APOBEC3H: variants seen among roughly 807,000 people sequenced by gnomAD.
APOBEC3H encodes DNA dC->dU-editing enzyme APOBEC-3H.
In APOBEC3H, 8 loss-of-function variants were observed where a neutral mutation model predicts 21.2. That is an observed-to-expected ratio of 0.38 (90% CI 0.22 to 0.68). The LOEUF (loss-of-function observed/expected upper bound fraction) is 0.68. Among genes scored for constraint, APOBEC3H ranks in the 30% least tolerant of loss-of-function variants. APOBEC3H has a pLI of 0.52. For synonymous variants in APOBEC3H, 88 were observed against 91.0 expected, an observed-to-expected ratio of 0.97 and a Z score of 0.19; for missense variants, 229 against 228.1, an observed-to-expected ratio of 1.00 and a Z score of -0.03.
chr22:39,098,228 C>T (rs1247297466), intron 1 of APOBEC3H, among the ~76,000 whole-genome samples: 1 of 152,222 alleles, frequency 6.6e-6, no homozygotes, highest in Non-Finnish European at 1.5e-5. Flanking sequence ...GATGGAAGTG[C>T]TACCCTGATT....
At chr22:39,100,823 C>T (rs11913991) in intron 2 of APOBEC3H, among the ~76,000 whole-genome samples, 23,161 of 151,984 alleles carry the variant, frequency 0.15, 2,654 homozygotes, top group African/African-American at 0.32. Context: ...GCCCTGCCTC[C>T]CCGCCTCCCC....
Position 39,101,363 on chromosome 22 carries a change from G to A in APOBEC3H, c.277G>A (p.Val93Ile). 6.2e-7 allele frequency: 1 copy of A among 1,612,880 alleles called. No homozygotes were observed. The highest frequency in any genetic ancestry group is 8.5e-7 in the Non-Finnish European group (1 of 1,179,778). The change falls in exon 3 of 5, where the codon GTT becomes ATT. Residue 93 changes from valine (V) to isoleucine (I), a missense_variant. By Grantham distance (29) the Val-to-Ile change is conservative (BLOSUM62 3). Coordinates refer to ENST00000442487, the MANE Select transcript of APOBEC3H (RefSeq NM_181773.5). ...SPCSSCAWEL[V>I]DFIKAHDHLN... ...CTGCTCCTCCTGTGCCTGGGAGCTGGTTGACTTCATCAAGGCTCACGACCA... is the reference window on the plus strand; with the variant it reads ...CTGCTCCTCCTGTGCCTGGGAGCTGATTGACTTCATCAAGGCTCACGACCA...
At chr22:39,103,541 T>C (rs969992897) in intron 4 of APOBEC3H, 148 bp from the exon 5 acceptor site, 2 of 783,186 alleles carry the variant, frequency 2.6e-6, no homozygotes, top group Non-Finnish European at 4.5e-6. Flanking sequence ...GATGCTCTTG[T>C]CACCTCCGTG....
At position 39,100,433 on chromosome 22, in the gene APOBEC3H, C is replaced by T; in HGVS notation, c.150+5C>T. The T allele has an allele frequency of 3.7e-6, 6 of 1,612,366 alleles. No individual in the cohort carries two copies. Among genetic ancestry groups the T allele is most frequent in the Non-Finnish European group, 5.1e-6 (6 of 1,178,942 alleles). ...AGAGGCTACTTTGAAAACAAGGTGC[C>T]ACACGGGCTCTCTGGGCACAGGGCC... On this transcript the variant is annotated splice_donor_5th_base_variant and intron_variant, in intron 2 of 4. Coordinates refer to ENST00000442487, the MANE Select transcript of APOBEC3H (RefSeq NM_181773.5).
chr22:39,100,481 TG>T, intron 2 of APOBEC3H, 53 bp downstream of exon 2: 1 of 1,581,924 alleles, frequency 6.3e-7, no homozygotes, highest in Non-Finnish European at 8.6e-7. Flanking sequence ...CCCCATCTGA[TG>T]TGTGCAGAAA....
intron 1 of APOBEC3H, among the ~76,000 whole-genome samples, chr22:39,099,597 C>T (rs1929183493): frequency 6.6e-6 from 1 of 152,162 alleles, no homozygotes; most frequent in Non-Finnish European, 1.5e-5. Flanking sequence ...CCAGGGGAGC[C>T]AGAAAGGCAC....
At chr22:39,102,636 C>G in intron 4 of APOBEC3H, 1 of 708,324 alleles carries the variant, frequency 1.4e-6, no homozygotes, top group Non-Finnish European at 2.6e-6. Context: ...CCCCTCCCAC[C>G]CTCTCTTCTT....
intron 2 of APOBEC3H, 66 bp from the exon 3 acceptor site, chr22:39,101,171 C>CCCCCCCCCCCCCCCCCA: frequency 8.0e-7 from 1 of 1,243,262 alleles, no homozygotes; most frequent in Non-Finnish European, 1.1e-6. Context: ...GGCCCCCGCC[C>CCCCCCCCCCCCCCCCCA]CCAGTCACAT....
chr22:39,097,697 G>A (rs1239214851), intron 1 of APOBEC3H, among the ~76,000 whole-genome samples: 4 of 152,198 alleles, frequency 2.6e-5, no homozygotes, highest in Admixed American at 6.5e-5. Flanking sequence ...AAAGGATGAT[G>A]GGAGCAATCT....
intron 1 of APOBEC3H, among the ~76,000 whole-genome samples, chr22:39,099,464 G>A (rs1929176268): frequency 6.6e-6 from 1 of 151,998 alleles, no homozygotes; most frequent in South Asian, 2.1e-4. Flanking sequence ...AAGGGTTCTG[G>A]TATTGGACAT....
Position 39,101,987 on chromosome 22 carries a change from T to TA in APOBEC3H, c.489dup (p.Glu164ArgfsTer5). The stretch of plus-strand genomic sequence containing the variant: ...CTTTCCTTCAACCCCTATAAGATGT[T>TA]AGAGGAGCTAGATAAAAACAGTCGA... On this transcript the variant is annotated frameshift_variant, in exon 4 of 5. Coordinates refer to ENST00000442487, the MANE Select transcript of APOBEC3H (RefSeq NM_181773.5). LOFTEE classifies it high-confidence loss of function. 1 of 1,613,334 alleles carries TA rather than the reference T, an allele frequency of 6.2e-7. No homozygotes were observed. Among genetic ancestry groups the TA allele is most frequent in the Non-Finnish European group, 8.5e-7 (1 of 1,179,734 alleles).
In APOBEC3H at chr22:39,103,906, C is replaced by G; in HGVS notation, c.*209C>G. The G allele has an allele frequency of 1.7e-6, 1 of 602,916 alleles. No homozygotes were observed. Among genetic ancestry groups the G allele is most frequent in the South Asian group, 2.1e-5 (1 of 47,402 alleles). 37.3% of individuals were successfully genotyped at this position (602,916 alleles called of 1,614,324 possible). On this transcript the variant is annotated 3_prime_UTR_variant, in exon 5 of 5. Transcript: ENST00000442487. ...AAGTACAGAAGACCTTCCTTTCCTC[C>G]TTTTTCCATATTGCTTTCTGTTCTA...
Position 39,101,441 on chromosome 22 carries a change from C to A in APOBEC3H, c.355C>A (p.Gln119Lys). ...SRLYYHWCKP[Q>K]QKGLRLLCGS... is the part of the protein sequence containing the mutation. ...CCTGTACTACCACTGGTGCAAGCCCCAGCAGAAGGGGCTGCGGCTTCTGTG... is the reference window on the plus strand; with the variant it reads ...CCTGTACTACCACTGGTGCAAGCCCAAGCAGAAGGGGCTGCGGCTTCTGTG... The change falls in exon 3 of 5, where the codon CAG becomes AAG. Residue 119 changes from glutamine (Q) to lysine (K), a missense_variant. Gln to Lys is a moderately conservative substitution (Grantham distance 53, BLOSUM62 1). Transcript: ENST00000442487. The A allele has an allele frequency of 6.2e-7, 1 of 1,611,876 alleles. No individual in the cohort carries two copies. The highest frequency in any genetic ancestry group is 8.5e-7 in the Non-Finnish European group (1 of 1,179,554).
chr22:39,101,566 G>T, intron 3 of APOBEC3H, 62 bp downstream of exon 3: 1 of 1,408,592 alleles, frequency 7.1e-7, no homozygotes, highest in Non-Finnish European at 9.4e-7. Context: ...CTTGGCAGGG[G>T]CTGGGGGTTG....
At position 39,103,801 on chromosome 22, in the gene APOBEC3H, G is replaced by C; in HGVS notation, c.*104G>C. On this transcript the variant is annotated 3_prime_UTR_variant, in exon 5 of 5. Coordinates refer to ENST00000442487, the MANE Select transcript of APOBEC3H (RefSeq NM_181773.5). Reference sequence around the variant, plus strand: ...AGATGACTTTCCCTGGGGCATGTCAGTTGCCTCATAGCCTGCTGGTCCTGT... The same window carrying C: ...AGATGACTTTCCCTGGGGCATGTCACTTGCCTCATAGCCTGCTGGTCCTGT... 1 of 1,432,176 alleles carries C rather than the reference G, an allele frequency of 7.0e-7. No homozygotes were observed. Among genetic ancestry groups the C allele is most frequent in the Non-Finnish European group, 9.9e-7 (1 of 1,014,480 alleles). The allele number at this position is 1,432,176 out of a possible 1,614,324, so 88.7% of individuals were successfully genotyped here.
chr22:39,102,024 A>G lies in APOBEC3H; in HGVS notation c.525A>G (p.Arg175=), dbSNP rs769422901. The change falls in exon 4 of 5, where the codon CGA becomes CGG. Residue 175 remains arginine (R), a synonymous_variant. Transcript: ENST00000442487. ...ELDKNSRAIK[R]RLERIKQS is the part of the protein sequence containing the mutation. ...ATAAAAACAGTCGAGCCATAAAGCG[A>G]CGGCTTGAGAGGATAAAGGTGAGGC... is the stretch of plus-strand genomic sequence containing the variant. The G allele has an allele frequency of 3.7e-6, 6 of 1,613,694 alleles. No individual in the cohort carries two copies. In the Admixed American group the frequency reaches 1.0e-4, roughly 27 times the overall value.
chr22:39,102,567 T>G, intron 4 of APOBEC3H: 2 of 718,296 alleles, frequency 2.8e-6, no homozygotes, highest in Non-Finnish European at 5.2e-6. Flanking sequence ...GATGCTGAGG[T>G]CTGAGTCACC....
At chr22:39,098,577 T>A (rs543317164) in intron 1 of APOBEC3H, among the ~76,000 whole-genome samples, 4 of 152,224 alleles carry the variant, frequency 2.6e-5, no homozygotes, top group Non-Finnish European at 5.9e-5. Context: ...GAGAATTTTA[T>A]TCACTTTTCT....
Position 39,103,543 on chromosome 22 carries a change from A to G in APOBEC3H, c.544-146A>G. 3 of 786,884 alleles carry G rather than the reference A, an allele frequency of 3.8e-6. No individual in the cohort carries two copies. In the South Asian group the frequency reaches 4.3e-5, roughly 11 times the overall value. 48.7% of individuals were successfully genotyped at this position (786,884 alleles called of 1,614,324 possible). On this transcript the variant is annotated intron_variant, in intron 4 of 4. Coordinates refer to ENST00000442487, the MANE Select transcript of APOBEC3H (RefSeq NM_181773.5). ...CTCCCTTTTCTAAGATGCTCTTGTC[A>G]CCTCCGTGTTTTTCTCCAGGCCTTC...
Sources: gnomAD v4.1 joint callset for allele counts (sites outside exome capture counted in the v4.1 genomes callset) on GRCh38, gnomAD v4.1.1 for gene constraint, MANE v1.5 for transcripts, NCBI Gene and HGNC (gene_info 2026-07-23, HGNC 2026-07-21) for gene names.